The following ASB15 variants were observed in gnomAD, a reference collection of about 807,000 sequenced individuals.
ASB15 encodes the protein ankyrin repeat and SOCS box containing 15.
ASB15 carries 54 observed loss-of-function variants against 58.0 expected under a neutral mutation model. The observed-to-expected ratio is 0.93, with a 90% confidence interval of 0.75 to 1.17. ASB15 has a LOEUF of 1.17. Among genes scored for constraint, ASB15 ranks in the 50% most tolerant of loss-of-function variants. ASB15 has a pLI of 0.00. For missense variants in ASB15, 680 were observed against 707.4 expected (o/e 0.96, Z 0.44); for synonymous variants, 249 against 262.4 (o/e 0.95, Z 0.50).
intron 1 of ASB15, among the ~76,000 whole-genome samples, chr7:123,574,049 G>C (rs1707788872): frequency 6.6e-6 from 1 of 152,086 alleles, no homozygotes; most frequent in African/African-American, 2.4e-5. Context: ...CTATGCTTCT[G>C]TTAAAAGTGA....
At chr7:123,616,677 A>C (rs1301042414) in intron 6 of ASB15, among the ~76,000 whole-genome samples, 182 bp downstream of exon 6, 1 of 152,142 alleles carries the variant, frequency 6.6e-6, no homozygotes, top group African/African-American at 2.4e-5. Context: ...AATTTTTTTG[A>C]CATTGGGGGT....
chr7:123,616,184 G>T (rs1316597994), intron 4 of ASB15, 37 bp from the exon 5 acceptor site: 1 of 1,456,778 alleles, frequency 6.9e-7, no homozygotes, highest in South Asian at 1.2e-5. Flanking sequence ...TATATCACTA[G>T]TATCTAGTAT....
At chr7:123,621,931 T>A (rs1001727444) in intron 7 of ASB15, among the ~76,000 whole-genome samples, 2 of 152,212 alleles carry the variant, frequency 1.3e-5, no homozygotes, top group African/African-American at 2.4e-5. Flanking sequence ...TCAGGGACCA[T>A]CTGGCATGAC....
intron 1 of ASB15, among the ~76,000 whole-genome samples, chr7:123,569,520 T>G (rs1798849468): frequency 6.6e-6 from 1 of 152,166 alleles, no homozygotes; most frequent in Non-Finnish European, 1.5e-5. Context: ...AGAGGATGTA[T>G]GAGATTGACT....
intron 7 of ASB15, among the ~76,000 whole-genome samples, chr7:123,623,655 G>A (rs1024071789): frequency 6.6e-6 from 1 of 151,988 alleles, no homozygotes; most frequent in Admixed American, 6.6e-5. Flanking sequence ...CACGAGGTCA[G>A]GAGTTTGAGA....
intron 1 of ASB15, among the ~76,000 whole-genome samples, chr7:123,603,116 CT>C (rs1799966677): frequency 6.6e-6 from 1 of 152,096 alleles, no homozygotes; most frequent in South Asian, 2.1e-4. Context: ...ACTTGCTATG[CT>C]ATGTGCTTTA....
At chr7:123,618,989 C>T (rs987059845) in intron 7 of ASB15, among the ~76,000 whole-genome samples, 1 of 151,900 alleles carries the variant, frequency 6.6e-6, no homozygotes, top group African/African-American at 2.4e-5. Context: ...GCCTGGCCAG[C>T]ATGGTGAAAC....
rs1048694363 is a variant in ASB15, at chr7:123,604,055, A to T, written c.-221A>T. 2.0e-5 allele frequency: 3 copies of T among 152,242 alleles called. No homozygotes were observed. The highest frequency in any genetic ancestry group is 2.4e-5 in the African/African-American group (1 of 41,444). The allele number at this position is 152,242 out of a possible 1,614,324, so 9.4% of individuals were successfully genotyped here. On this transcript the variant is annotated 5_prime_UTR_variant, in exon 2 of 12. Transcript: ENST00000451215. Reference sequence around the variant, plus strand: ...AGGAAAGCAGTCAAGACAGTGCAGGAGGTGAGGCCATCTTATAGGAAGAGC... The same window carrying T: ...AGGAAAGCAGTCAAGACAGTGCAGGTGGTGAGGCCATCTTATAGGAAGAGC...
At chr7:123,634,035 T>G (rs1802281285) in intron 11 of ASB15, among the ~76,000 whole-genome samples, 1 of 152,228 alleles carries the variant, frequency 6.6e-6, no homozygotes, top group Non-Finnish European at 1.5e-5. Flanking sequence ...TTTCTGTTTT[T>G]TTTCCTTCAA....
rs1802499931 is a variant in ASB15, at chr7:123,637,878, T to TAAAAAAAAAAGAAAAAAAAAAAAA, written c.*907_*908insGAAAAAAAAAAAAAAAAAAAAAAA. The TAAAAAAAAAAGAAAAAAAAAAAAA allele has an allele frequency of 1.9e-5, 1 of 52,468 alleles. No homozygotes were observed. Among genetic ancestry groups the TAAAAAAAAAAGAAAAAAAAAAAAA allele is most frequent in the Admixed American group, 2.5e-4 (1 of 4,032 alleles). The allele number at this position is 52,468 out of a possible 1,614,324, so 3.3% of individuals were successfully genotyped here. A position where few individuals can be genotyped will look rare whatever the true frequency, so the allele number is the denominator to read the frequency against. On this transcript the variant is annotated 3_prime_UTR_variant, in exon 12 of 12. Coordinates refer to ENST00000451215, the MANE Select transcript of ASB15 (RefSeq NM_001290258.2). ...AAATTCAACATGTCCCCAGATGAAC[T>TAAAAAAAAAAGAAAAAAAAAAAAA]AAAAAAAAAAAAAAAAAAAAAACCT...
chr7:123,618,660 T>G (rs1204504527), intron 7 of ASB15, among the ~76,000 whole-genome samples: 1 of 151,910 alleles, frequency 6.6e-6, no homozygotes, highest in Non-Finnish European at 1.5e-5. Context: ...GGATGTAAGA[T>G]TATTTACCAG....
At chr7:123,573,550 C>G (rs1473704569) in intron 1 of ASB15, among the ~76,000 whole-genome samples, 1 of 152,094 alleles carries the variant, frequency 6.6e-6, no homozygotes, top group African/African-American at 2.4e-5. Flanking sequence ...TAAACCTCCT[C>G]CCTCTAGCCT....
intron 11 of ASB15, 116 bp downstream of exon 11, chr7:123,630,235 C>A (rs1802051147): frequency 1.3e-6 from 1 of 742,004 alleles, no homozygotes; most frequent in Non-Finnish European, 2.0e-6. Context: ...CCAGAATTAT[C>A]TGGGTTTTAA....
At chr7:123,601,242 T>G (rs890768209), upstream of ASB15, among the ~76,000 whole-genome samples, 1 of 152,206 alleles carries the variant, frequency 6.6e-6, no homozygotes, top group Admixed American at 6.5e-5. Flanking sequence ...ATCCCAATTT[T>G]TTTGCTTGTT....
chr7:123,614,540 C>A lies in ASB15; in HGVS notation c.38C>A (p.Thr13Lys), dbSNP rs1168993644. 1.2e-6 allele frequency: 2 copies of A among 1,610,292 alleles called. No homozygotes were observed. The highest frequency in any genetic ancestry group is 1.7e-6 in the Non-Finnish European group (2 of 1,176,852). Residue 13 changes from threonine (T) to lysine (K), a missense_variant, in exon 4 of 12, where the codon ACA (threonine) becomes AAA (lysine). Thr to Lys is a moderately conservative substitution (Grantham distance 78). Coordinates refer to ENST00000451215, the MANE Select transcript of ASB15 (RefSeq NM_001290258.2). The stretch of plus-strand genomic sequence containing the variant: ...GATGACCCTGATGAAGACCATCTTA[C>A]AAGTTATGATATTCAGCTAAGTATT... Reference protein sequence around the residue: ...TNDDPDEDHLTSYDIQLSIQE... With the variant: ...TNDDPDEDHLKSYDIQLSIQE...
At chr7:123,576,669 T>C (rs1417803596) in intron 1 of ASB15, among the ~76,000 whole-genome samples, 1 of 152,158 alleles carries the variant, frequency 6.6e-6, no homozygotes, top group African/African-American at 2.4e-5. Context: ...ACCACCACCT[T>C]GCTCTCTTTA....
intron 8 of ASB15, among the ~76,000 whole-genome samples, chr7:123,625,875 A>G (rs150983057): frequency 2.2e-4 from 33 of 152,328 alleles, no homozygotes; most frequent in African/African-American, 7.5e-4. Flanking sequence ...GAGGTGTCCC[A>G]ATACAACCAC....
At position 123,629,187 on chromosome 7, in the gene ASB15, T is replaced by C; in HGVS notation, c.1193T>C (p.Leu398Pro). ...GCCAATAATTATGAAATTGTCAGGC[T>C]GCTTCTCTCCCATGGAGCTAATGTC... is the stretch of plus-strand genomic sequence containing the variant. ...VRANNYEIVR[L>P]LLSHGANVNC... The change falls in exon 10 of 12, where the codon CTG becomes CCG. Residue 398 changes from leucine to proline, a missense_variant. Coordinates refer to ENST00000451215, the MANE Select transcript of ASB15 (RefSeq NM_001290258.2). 1 of 1,614,016 alleles carries C rather than the reference T, an allele frequency of 6.2e-7. No individual in the cohort carries two copies. Among genetic ancestry groups the C allele is most frequent in the Non-Finnish European group, 8.5e-7 (1 of 1,179,848 alleles).
intron 11 of ASB15, among the ~76,000 whole-genome samples, chr7:123,634,204 A>AC (rs1003470409): frequency 6.0e-5 from 9 of 149,322 alleles, no homozygotes; most frequent in South Asian, 2.2e-4. Flanking sequence ...TCCCCCAGCC[A>AC]CCCCCCCGAC....
Sources: gnomAD v4.1 joint callset for allele counts (sites outside exome capture counted in the v4.1 genomes callset) on GRCh38, gnomAD v4.1.1 for gene constraint, MANE v1.5 for transcripts, NCBI Gene and HGNC (gene_info 2026-07-23, HGNC 2026-07-21) for gene names.